GMIP: variants seen among roughly 807,000 people sequenced by gnomAD.
The protein encoded by GMIP is GEM-interacting protein.
GMIP carries 54 observed loss-of-function variants against 105.3 expected under a neutral mutation model. That is an observed-to-expected ratio of 0.51 (90% confidence interval 0.41 to 0.64). The LOEUF (loss-of-function observed/expected upper bound fraction) is 0.64, where lower values mean the gene tolerates loss of function less well. GMIP is among the 30% of genes least tolerant of loss of function. The pLI, the probability that GMIP is intolerant of heterozygous loss-of-function variation, is 0.00. For synonymous variants in GMIP, 541 were observed against 560.8 expected (o/e 0.96, Z 0.50); for missense variants, 1,110 against 1,319.4 (o/e 0.84, Z 2.46).
intron 19 of GMIP, among the ~76,000 whole-genome samples, chr19:19,631,758 C>T (rs999045072): frequency 5.5e-5 from 8 of 144,808 alleles, no homozygotes; most frequent in Admixed American, 2.7e-4. Context: ...GAGGCCGAGG[C>T]GGGTGGATCA....
chr19:19,638,634 G>A, intron 7 of GMIP, 152 bp from the exon 8 acceptor site: 2 of 647,032 alleles, frequency 3.1e-6, no homozygotes, highest in East Asian at 2.7e-5. Flanking sequence ...TGTTGCCCAG[G>A]TTGGAGTGCA....
chr19:19,642,247 C>G (rs918087026), intron 2 of GMIP, among the ~76,000 whole-genome samples, 196 bp from the exon 3 acceptor site: 1 of 151,776 alleles, frequency 6.6e-6, no homozygotes, highest in African/African-American at 2.4e-5. Context: ...TCTGAAGGGC[C>G]CCAGATAACT....
chr19:19,637,577 A>C lies in GMIP; in HGVS notation c.928-16T>G, dbSNP rs764134035. ...TCAGCGTCACCTGCCGGGTGGAGACAGCAGGTTGGGGAGGGGCGGAGCCTG... is the reference window on the plus strand; with the variant it reads ...TCAGCGTCACCTGCCGGGTGGAGACCGCAGGTTGGGGAGGGGCGGAGCCTG... On this transcript the variant is annotated splice_polypyrimidine_tract_variant and intron_variant, in intron 10 of 20. Coordinates refer to ENST00000203556, the MANE Select transcript of GMIP (RefSeq NM_016573.4). This position sits in a 1 kb window ranked among gnomAD's most constrained non-coding sequence, Gnocchi z 6.7. The C allele has an allele frequency of 1.3e-6, 2 of 1,505,162 alleles. No homozygotes were observed. The highest frequency in any genetic ancestry group is 1.4e-5 in the African/African-American group (1 of 70,954). The allele number at this position is 1,505,162 out of a possible 1,614,324, so 93.2% of individuals were successfully genotyped here.
chr19:19,630,081 T>C lies in GMIP; in HGVS notation c.2795A>G (p.Lys932Arg). 1 of 1,610,974 alleles carries C rather than the reference T, an allele frequency of 6.2e-7. No individual in the cohort carries two copies. Among genetic ancestry groups the C allele is most frequent in the Non-Finnish European group, 8.5e-7 (1 of 1,178,840 alleles). ...TGTCTCCTGGGTAATCTCAAAATGCTTGGGCAGCGGGGTGCGGCGCAGGGG... is the reference window on the plus strand; with the variant it reads ...TGTCTCCTGGGTAATCTCAAAATGCCTGGGCAGCGGGGTGCGGCGCAGGGG... ...GSPLRRTPLP[K>R]HFEITQETAR... Residue 932 changes from lysine (K) to arginine (R), a missense_variant, in exon 21 of 21, where the codon AAG becomes AGG. This residue lies in a region of GMIP where 394 missense variants were observed against 450.5 expected (regional missense o/e 0.87). Transcript: ENST00000203556. The surrounding 1 kb of genome is among the most constrained non-coding windows in gnomAD (Gnocchi z 4.8).
chr19:19,638,504 G>C (rs1410033922), intron 7 of GMIP, 22 bp from the exon 8 acceptor site: 4 of 1,607,730 alleles, frequency 2.5e-6, no homozygotes, highest in South Asian at 2.2e-5. Context: ...TGGGGATGGG[G>C]ATGGAGACGC....
In GMIP at chr19:19,633,803, C is replaced by G; in HGVS notation, c.2472G>C (p.Glu824Asp). The G allele has an allele frequency of 6.9e-7, 1 of 1,457,168 alleles. No homozygotes were observed. Among genetic ancestry groups the G allele is most frequent in the South Asian group, 1.6e-5 (1 of 63,394 alleles). 90.3% of individuals were successfully genotyped at this position (1,457,168 alleles called of 1,614,324 possible). Residue 824 changes from glutamate to aspartate, a missense_variant and splice_region_variant, in exon 19 of 21, where the codon GAG becomes GAC. Glu to Asp is a conservative substitution (Grantham distance 45, BLOSUM62 2). Around this residue, in one of 3 missense-constraint regions of GMIP, gnomAD observed 394 missense variants for 450.5 expected, o/e 0.87. Transcript: ENST00000203556. ...AGCTGTGGGCCCAGTGGGTTCTTAC[C>G]TCGGTAGGTGTGGCCGTGGGATGCT... ...LEQHPTATPTEIPTPQSDQRE... is the reference protein window; with the variant it reads ...LEQHPTATPTDIPTPQSDQRE...
Position 19,643,630 on chromosome 19 carries a change from G to C in GMIP, c.-101C>G, listed in dbSNP as rs1486178865. ...TCCTGCCGCCGCAGCCGCCGCCGCC[G>C]CCTCGGTTCCGCGTCGCCCTGCCCA... On this transcript the variant is annotated 5_prime_UTR_variant, in exon 1 of 21. Transcript: ENST00000203556. 1.9e-6 allele frequency: 2 copies of C among 1,060,214 alleles called. No individual in the cohort carries two copies. The highest frequency in any genetic ancestry group is 2.7e-6 in the Non-Finnish European group (2 of 740,736). The allele number at this position is 1,060,214 out of a possible 1,614,324, so 65.7% of individuals were successfully genotyped here.
chr19:19,632,533 C>CA (rs952215812), intron 19 of GMIP, among the ~76,000 whole-genome samples: 29 of 149,882 alleles, frequency 1.9e-4, no homozygotes, highest in African/African-American at 4.9e-4. Context: ...ATTCTGTCTC[C>CA]AAAAAAAAAT....
chr19:19,635,613 C>T lies in GMIP; in HGVS notation c.1405+31G>A. The T allele has an allele frequency of 6.2e-7, 1 of 1,613,792 alleles. No individual in the cohort carries two copies. The highest frequency in any genetic ancestry group is 8.5e-7 in the Non-Finnish European group (1 of 1,179,716). Reference sequence around the variant, plus strand: ...AGGAGTGCCTGGTGCCCTGCCCTGTCCCATCCTGACCTACCCTGCTTCAGC... The same window carrying T: ...AGGAGTGCCTGGTGCCCTGCCCTGTTCCATCCTGACCTACCCTGCTTCAGC... On this transcript the variant is annotated intron_variant, in intron 14 of 20. Transcript: ENST00000203556. This position sits in a 1 kb window ranked among gnomAD's most constrained non-coding sequence, Gnocchi z 4.7.
chr19:19,634,769 C>T lies in GMIP; in HGVS notation c.1887+23G>A, dbSNP rs375847410. Reference sequence around the variant, plus strand: ...CTGTGGAGGGCTCCTGCCCGCGTCCCCCTCAGTGTCCTGAGCACCAACCTC... The same window carrying T: ...CTGTGGAGGGCTCCTGCCCGCGTCCTCCTCAGTGTCCTGAGCACCAACCTC... On this transcript the variant is annotated intron_variant, in intron 17 of 20. Coordinates refer to ENST00000203556, the MANE Select transcript of GMIP (RefSeq NM_016573.4). The surrounding 1 kb of genome is among the most constrained non-coding windows in gnomAD (Gnocchi z 6.1). 14 of 1,612,792 alleles carry T rather than the reference C, an allele frequency of 8.7e-6. 1 individual carries two copies. The highest frequency in any genetic ancestry group is 1.1e-5 in the Non-Finnish European group (13 of 1,179,248).
In GMIP at chr19:19,633,834, AG is replaced by A; in HGVS notation, c.2440del (p.Leu814TrpfsTer57). 6.8e-7 allele frequency: 1 copy of A among 1,478,114 alleles called. No individual in the cohort carries two copies. Among genetic ancestry groups the A allele is most frequent in the East Asian group, 2.4e-5 (1 of 42,134 alleles). The allele number at this position is 1,478,114 out of a possible 1,614,324, so 91.6% of individuals were successfully genotyped here. On this transcript the variant is annotated frameshift_variant, in exon 19 of 21. Transcript: ENST00000203556. LOFTEE classifies it high-confidence loss of function. The part of the protein sequence containing the change: ...PGPDPQHHST[L>X]EQHPTATPTE... ...AGGTGTGGCCGTGGGATGCTGCTCC[AG>A]GGTACTGTGGTGCTGGGGGTCTGGG...
chr19:19,637,710 G>T lies in GMIP; in HGVS notation c.928-149C>A, dbSNP rs545373080. The T allele has an allele frequency of 2.4e-6, 2 of 829,464 alleles. No individual in the cohort carries two copies. Among genetic ancestry groups the T allele is most frequent in the Non-Finnish European group, 3.6e-6 (2 of 552,016 alleles). The allele number at this position is 829,464 out of a possible 1,614,324, so 51.4% of individuals were successfully genotyped here. A position where few individuals can be genotyped will look rare whatever the true frequency, so the allele number is the denominator to read the frequency against. ...TAGGAACTAGGGCAGTCGGCCAGGG[G>T]ACCCAGGCATGGTCAGAGCAGGGGC... On this transcript the variant is annotated intron_variant, in intron 10 of 20. Coordinates refer to ENST00000203556, the MANE Select transcript of GMIP (RefSeq NM_016573.4). The surrounding 1 kb of genome is among the most constrained non-coding windows in gnomAD (Gnocchi z 6.7).
At chr19:19,639,599 A>T (rs1254438503) in intron 7 of GMIP, among the ~76,000 whole-genome samples, 1 of 152,060 alleles carries the variant, frequency 6.6e-6, no homozygotes, top group African/African-American at 2.4e-5. Flanking sequence ...CTGTAATCCC[A>T]CCACTTTGGG....
Position 19,630,603 on chromosome 19 carries a change from A to G in GMIP, c.2473-66T>C. 7.2e-7 allele frequency: 1 copy of G among 1,387,728 alleles called. No individual in the cohort carries two copies. The highest frequency in any genetic ancestry group is 1.0e-6 in the Non-Finnish European group (1 of 974,498). The allele number at this position is 1,387,728 out of a possible 1,614,324, so 86.0% of individuals were successfully genotyped here. A position where few individuals can be genotyped will look rare whatever the true frequency, so the allele number is the denominator to read the frequency against. On this transcript the variant is annotated intron_variant, in intron 19 of 20. Coordinates refer to ENST00000203556, the MANE Select transcript of GMIP (RefSeq NM_016573.4). This position sits in a 1 kb window ranked among gnomAD's most constrained non-coding sequence, Gnocchi z 4.8. ...TCCCAGTTCTTTGAGATTCCTGGAG[A>G]GCCAAGGGCTTGTTCCTGGACATGC... is the stretch of plus-strand genomic sequence containing the variant.
rs768418087 is a variant in GMIP at position 19,640,080 on chromosome 19, C to G, written c.537+5G>C. Reference sequence around the variant, plus strand: ...CTCTGTAACATTCCACCCTGCCCCCCTCACCTGGTAGTAGTCTCTTTTCTG... The same window carrying G: ...CTCTGTAACATTCCACCCTGCCCCCGTCACCTGGTAGTAGTCTCTTTTCTG... On this transcript the variant is annotated splice_donor_5th_base_variant and intron_variant, in intron 7 of 20. Coordinates refer to ENST00000203556, the MANE Select transcript of GMIP (RefSeq NM_016573.4). 6 of 1,554,384 alleles carry G rather than the reference C, an allele frequency of 3.9e-6. No individual in the cohort carries two copies. The highest frequency in any genetic ancestry group is 1.4e-5 in the African/African-American group (1 of 73,794).
rs1335429113 is a variant in GMIP, at chr19:19,635,280, A to G, written c.1561-67T>C. 1 of 1,538,790 alleles carries G rather than the reference A, an allele frequency of 6.5e-7. No homozygotes were observed. The highest frequency in any genetic ancestry group is 1.4e-5 in the African/African-American group (1 of 73,350). On this transcript the variant is annotated intron_variant, in intron 15 of 20. Transcript: ENST00000203556. This position sits in a 1 kb window ranked among gnomAD's most constrained non-coding sequence, Gnocchi z 4.7. ...AGTAGGGGAAGAGAAGGTTACAAGG[A>G]TCCTCAAGGAATGGGGGCTCATGGG...
Position 19,635,765 on chromosome 19 carries a change from C to T in GMIP, c.1328-44G>A, listed in dbSNP as rs2061847829. 1 of 1,543,164 alleles carries T rather than the reference C, an allele frequency of 6.5e-7. No individual in the cohort carries two copies. Among genetic ancestry groups the T allele is most frequent in the Non-Finnish European group, 9.0e-7 (1 of 1,116,324 alleles). On this transcript the variant is annotated intron_variant, in intron 13 of 20. Transcript: ENST00000203556. This position sits in a 1 kb window ranked among gnomAD's most constrained non-coding sequence, Gnocchi z 4.7. Reference sequence around the variant, plus strand: ...TGGGAGATTCCTGGGCTATGGGAGGCACTCCTGGTTTTTAGGGCTTCCAGA... The same window carrying T: ...TGGGAGATTCCTGGGCTATGGGAGGTACTCCTGGTTTTTAGGGCTTCCAGA...
chr19:19,636,821 T>A (rs1300593676), intron 12 of GMIP, 25 bp from the exon 13 acceptor site: 13 of 1,594,468 alleles, frequency 8.2e-6, no homozygotes, highest in Non-Finnish European at 1.1e-5. Context: ...TCAATAAGGA[T>A]GGTCCCCTGC....
rs2061787468 is a variant in GMIP, at chr19:19,630,796, G to A, written c.2473-259C>T. Among the ~76,000 whole-genome samples the A allele has an allele frequency of 6.6e-6, 1 of 152,180 alleles. No individual in the cohort carries two copies. Among genetic ancestry groups the A allele is most frequent in the South Asian group, 2.1e-4 (1 of 4,834 alleles). ...CCTGACTTTGCACCTACTCTGCACT[G>A]GGTGTGGACTACCATTGAACTCCTC... On this transcript the variant is annotated intron_variant, in intron 19 of 20. Transcript: ENST00000203556. This position sits in a 1 kb window ranked among gnomAD's most constrained non-coding sequence, Gnocchi z 4.8.
Sources: allele counts gnomAD v4.1 joint callset (sites outside exome capture counted in the v4.1 genomes callset), GRCh38; gene constraint gnomAD v4.1.1; regional missense constraint gnomAD v4.1.1; non-coding constraint Gnocchi (gnomAD v3.1); transcripts MANE v1.5; gene names NCBI Gene and HGNC (gene_info 2026-07-23, HGNC 2026-07-21).